ABCC9: variants seen among roughly 807,000 people sequenced by gnomAD.
ABCC9 encodes the protein ATP-binding cassette sub-family C member 9.
A neutral mutation model predicts 188.3 loss-of-function variants in ABCC9; 95 were observed. The ratio of observed to expected loss-of-function variants is 0.50; its 90% CI spans 0.43 to 0.60. The LOEUF is 0.60. Among genes scored for constraint, ABCC9 ranks in the 20% least tolerant of loss-of-function variants. The probability of loss-of-function intolerance (pLI) is 0.00; values close to 1 mark genes in which losing one functional copy is unlikely to be tolerated. For missense variants in ABCC9, 1,102 were observed against 1,876.3 expected, an observed-to-expected ratio of 0.59 and a Z score of 7.62; for synonymous variants, 659 against 652.7, an observed-to-expected ratio of 1.01 and a Z score of -0.15.
rs541511965 is a variant in ABCC9 at position 21,907,775 on chromosome 12, G to A, written c.1455+302C>T. Among the ~76,000 whole-genome samples, 227 of 151,992 alleles carry A rather than the reference G, an allele frequency of 1.5e-3. 2 individuals carry two copies. The highest frequency in any genetic ancestry group is 5.1e-3 in the African/African-American group (210 of 41,492). ...CTGACGTTCACTAGCCTCAAAGTAC[G>A]CTTAAGATTCTTTAGACAAGTGATC... is the stretch of plus-strand genomic sequence containing the variant. On this transcript the variant is annotated intron_variant, in intron 11 of 39. Transcript: ENST00000261200.
At chr12:21,904,709 C>T (rs1486037637) in intron 12 of ABCC9, among the ~76,000 whole-genome samples, 1 of 152,136 alleles carries the variant, frequency 6.6e-6, no homozygotes, top group African/African-American at 2.4e-5. Flanking sequence ...CAGAGAAATG[C>T]AAATTAAAAC....
chr12:21,890,827 G>T (rs1404694694), intron 14 of ABCC9, among the ~76,000 whole-genome samples: 1 of 151,836 alleles, frequency 6.6e-6, no homozygotes, highest in Non-Finnish European at 1.5e-5. Flanking sequence ...TTGTGGGGTG[G>T]GGGGATGGGG....
At chr12:21,857,306 C>T (rs971099787) in intron 22 of ABCC9, among the ~76,000 whole-genome samples, 5 of 152,048 alleles carry the variant, frequency 3.3e-5, no homozygotes, top group Non-Finnish European at 7.4e-5. Context: ...ACTATGCTTG[C>T]TTGGCCTAGA....
rs536545314 is a variant in ABCC9, at chr12:21,861,223, T to C, written c.2340-168A>G. The stretch of plus-strand genomic sequence containing the variant: ...GATACAAAGATACATAAGTACTACT[T>C]CCCCCCCCTTTTTTTTTTTTTTTTG... On this transcript the variant is annotated intron_variant, in intron 20 of 39. Transcript: ENST00000261200. 3.1e-3 allele frequency among the ~76,000 whole-genome samples: 343 copies of C among 109,438 alleles called. 4 individuals carry two copies. The highest frequency in any genetic ancestry group is 0.012 in the African/African-American group (326 of 26,284). The allele number at this position is 109,438 out of a possible 152,430, so 71.8% of individuals were successfully genotyped here.
intron 28 of ABCC9, among the ~76,000 whole-genome samples, chr12:21,843,635 A>G (rs1944497454): frequency 1.3e-5 from 2 of 152,212 alleles, no homozygotes; most frequent in Non-Finnish European, 1.5e-5. Flanking sequence ...GACTTTTCTA[A>G]TTGGTTATTT....
chr12:21,842,910 T>C (rs1334433939), intron 28 of ABCC9, among the ~76,000 whole-genome samples: 5 of 152,180 alleles, frequency 3.3e-5, no homozygotes, highest in Non-Finnish European at 7.3e-5. Context: ...TTGGGCTTTT[T>C]TGAGTGAATT....
intron 4 of ABCC9, among the ~76,000 whole-genome samples, chr12:21,931,981 C>T (rs1949308679): frequency 6.6e-6 from 1 of 152,080 alleles, no homozygotes; most frequent in Admixed American, 6.6e-5. Context: ...TTAGAAGTTT[C>T]ATTCCTTGTT....
intron 5 of ABCC9, chr12:21,923,833 T>G (rs1321404773): frequency 1.4e-6 from 1 of 700,466 alleles, no homozygotes; most frequent in Admixed American, 2.0e-5. Context: ...TGATAGCAGC[T>G]TTTACTCTCA....
chr12:21,938,461 T>C (rs2138090314), intron 2 of ABCC9, among the ~76,000 whole-genome samples: 1 of 152,268 alleles, frequency 6.6e-6, no homozygotes, highest in East Asian at 1.9e-4. Context: ...TTTATAGGTG[T>C]ATGTTAGATG....
intron 24 of ABCC9, among the ~76,000 whole-genome samples, chr12:21,849,928 CT>C (rs1428720279): frequency 6.6e-6 from 1 of 151,946 alleles, no homozygotes; most frequent in African/African-American, 2.4e-5. Flanking sequence ...TCATTACTAT[CT>C]ATCATATTCT....
chr12:21,875,804 G>T, intron 16 of ABCC9, 78 bp from the exon 17 acceptor site: 1 of 1,235,650 alleles, frequency 8.1e-7, no homozygotes. Flanking sequence ...TAATTTGTAG[G>T]CCAGGCGCAG....
intron 38 of ABCC9, 27 bp downstream of exon 38, chr12:21,807,319 T>C: frequency 1.2e-6 from 2 of 1,613,694 alleles, no homozygotes; most frequent in East Asian, 2.2e-5. Flanking sequence ...AATTCGTCAA[T>C]TTTAAAAGCT....
At chr12:21,852,340 T>G in intron 23 of ABCC9, 28 bp downstream of exon 23, 1 of 1,613,666 alleles carries the variant, frequency 6.2e-7, no homozygotes, top group Non-Finnish European at 8.5e-7. Context: ...AATATAAAAA[T>G]GAGCAAAATT....
intron 22 of ABCC9, 62 bp downstream of exon 22, chr12:21,859,524 A>T: frequency 6.6e-7 from 1 of 1,512,740 alleles, no homozygotes; most frequent in Non-Finnish European, 9.2e-7. Flanking sequence ...ACACCTTTTT[A>T]AAGACTCATT....
chr12:21,829,187 ATTTCT>A, intron 30 of ABCC9, 127 bp from the exon 31 acceptor site: 7 of 143,386 alleles, frequency 4.9e-5, no homozygotes, highest in Non-Finnish European at 9.4e-5. Context: ...CAGTAAATAG[ATTTCT>A]TTTTTTTTTT....
intron 11 of ABCC9, among the ~76,000 whole-genome samples, 157 bp from the exon 12 acceptor site, chr12:21,906,445 C>G (rs1385083803): frequency 6.6e-6 from 1 of 152,050 alleles, no homozygotes; most frequent in African/African-American, 2.4e-5. Context: ...CAATTAAACC[C>G]TTTGTGCTTC....
chr12:21,841,376 T>G, intron 29 of ABCC9, among the ~76,000 whole-genome samples: 1 of 86,380 alleles, frequency 1.2e-5, no homozygotes. Flanking sequence ...TTTTTTTTTT[T>G]GAGACAGAGT....
At chr12:21,829,193 T>A in intron 30 of ABCC9, 133 bp from the exon 31 acceptor site, 1 of 291,540 alleles carries the variant, frequency 3.4e-6, no homozygotes, top group Non-Finnish European at 5.8e-6. Context: ...ATAGATTTCT[T>A]TTTTTTTTTT....
chr12:21,926,004 G>T lies in ABCC9; in HGVS notation c.344C>A (p.Thr115Asn). Residue 115 changes from threonine (T) to asparagine (N), a missense_variant, in exon 5 of 40, where the codon ACT (threonine) becomes AAT (asparagine). Coordinates refer to ENST00000261200, the MANE Select transcript of ABCC9 (RefSeq NM_020297.4). Reference protein sequence around the residue: ...FMPAVMGFVATTTSIVYYHNI... With the variant: ...FMPAVMGFVANTTSIVYYHNI... Reference sequence around the variant, plus strand: ...ATGATAATACACTATCGATGTTGTAGTGGCAACGAATCCCATCACGGCTGG... The same window carrying T: ...ATGATAATACACTATCGATGTTGTATTGGCAACGAATCCCATCACGGCTGG... The T allele has an allele frequency of 6.2e-7, 1 of 1,614,118 alleles. No individual in the cohort carries two copies. The highest frequency in any genetic ancestry group is 8.5e-7 in the Non-Finnish European group (1 of 1,179,982).
Sources: gnomAD v4.1 joint callset for allele counts (sites outside exome capture counted in the v4.1 genomes callset) on GRCh38, gnomAD v4.1.1 for gene constraint, MANE v1.5 for transcripts, NCBI Gene and HGNC (gene_info 2026-07-23, HGNC 2026-07-21) for gene names.